Variants in PSD3 observed in about 807,000 individuals in gnomAD.
PSD3 encodes pleckstrin and Sec7 domain containing 3.
A neutral mutation model predicts 105.5 loss-of-function variants in PSD3; 49 were observed. The observed-to-expected ratio is 0.46, with a 90% CI of 0.37 to 0.59. The LOEUF (loss-of-function observed/expected upper bound fraction) is 0.59, where lower values mean the gene tolerates loss of function less well. Ranked by LOEUF, PSD3 falls within the 20% of genes least tolerant of loss-of-function variation. The pLI, the probability that PSD3 is intolerant of heterozygous loss-of-function variation, is 0.00. For synonymous variants in PSD3, 557 were observed against 457.8 expected, an observed-to-expected ratio of 1.22 and a Z score of -2.77; for missense variants, 1,561 against 1,263.8, an observed-to-expected ratio of 1.24 and a Z score of -3.57.
intron 1 of PSD3, among the ~76,000 whole-genome samples, chr8:18,985,581 A>G (rs911127197): frequency 5.3e-5 from 8 of 152,172 alleles, no homozygotes; most frequent in African/African-American, 1.9e-4. Context: ...TTTATCATGA[A>G]ACATTAGTTT....
chr8:18,862,654 A>T (rs1193562111), intron 4 of PSD3, among the ~76,000 whole-genome samples: 1 of 151,830 alleles, frequency 6.6e-6, no homozygotes, highest in African/African-American at 2.4e-5. Flanking sequence ...CACTAATGTC[A>T]CATTATTTTA....
intron 9 of PSD3, among the ~76,000 whole-genome samples, chr8:18,685,033 G>A (rs185348723): frequency 1.3e-5 from 2 of 152,322 alleles, no homozygotes; most frequent in Admixed American, 1.3e-4. Flanking sequence ...GTGTTCTCCA[G>A]ATAAAGGAGG....
chr8:18,617,356 C>T lies in PSD3; in HGVS notation c.2410+15257G>A, dbSNP rs1039162004. Among the ~76,000 whole-genome samples the T allele has an allele frequency of 2.6e-5, 4 of 152,098 alleles. No homozygotes were observed. The South Asian group carries it at 8.3e-4, about 32-fold the overall frequency. On this transcript the variant is annotated intron_variant, in intron 11 of 15. Coordinates refer to ENST00000327040, the MANE Select transcript of PSD3 (RefSeq NM_015310.4). ...GACCAACCTGACCAACATGGTGAAA[C>T]CCCATCTCTACTAAAAATTCCAAAA...
chr8:18,888,069 C>G (rs1818551997), intron 2 of PSD3, among the ~76,000 whole-genome samples: 1 of 152,150 alleles, frequency 6.6e-6, no homozygotes. Flanking sequence ...CCCTCCCTAC[C>G]CCTAAGCTAA....
intron 1 of PSD3, among the ~76,000 whole-genome samples, chr8:19,063,687 C>G (rs1284890359): frequency 1.3e-5 from 2 of 152,164 alleles, no homozygotes; most frequent in African/African-American, 4.8e-5. Context: ...TGTCCTTCTT[C>G]CCTAGAAGTG....
intron 10 of PSD3, among the ~76,000 whole-genome samples, chr8:18,650,307 T>A (rs1298431534): frequency 1.3e-5 from 2 of 151,610 alleles, no homozygotes; most frequent in Non-Finnish European, 2.9e-5. Context: ...AAAGAGTAAT[T>A]ACTCACTTTG....
At chr8:18,571,208 A>T (rs1400439858) in intron 14 of PSD3, among the ~76,000 whole-genome samples, 1 of 152,070 alleles carries the variant, frequency 6.6e-6, no homozygotes, top group Non-Finnish European at 1.5e-5. Flanking sequence ...AGCATCCAAA[A>T]TCCTACACAC....
At chr8:18,576,163 C>G (rs1190350447) in intron 12 of PSD3, among the ~76,000 whole-genome samples, 1 of 152,034 alleles carries the variant, frequency 6.6e-6, no homozygotes, top group Admixed American at 6.6e-5. Context: ...TTTCATTTAT[C>G]CCCTCCAAAA....
chr8:18,600,619 C>T lies in PSD3; in HGVS notation c.2411-185G>A, dbSNP rs1463558198. Among the ~76,000 whole-genome samples, 6 of 152,120 alleles carry T rather than the reference C, an allele frequency of 3.9e-5. No homozygotes were observed. The East Asian group carries it at 7.7e-4, about 20-fold the overall frequency. Reference sequence around the variant, plus strand: ...GGCATTCTAAAATGTTTTCCATATACGATCTTAATATTTACAATGCTCCTA... The same window carrying T: ...GGCATTCTAAAATGTTTTCCATATATGATCTTAATATTTACAATGCTCCTA... On this transcript the variant is annotated intron_variant, in intron 11 of 15. Coordinates refer to ENST00000327040, the MANE Select transcript of PSD3 (RefSeq NM_015310.4).
chr8:18,704,624 GC>G (rs1801783892), intron 9 of PSD3, among the ~76,000 whole-genome samples: 1 of 152,184 alleles, frequency 6.6e-6, no homozygotes, highest in South Asian at 2.1e-4. Flanking sequence ...ACAGGCGTGA[GC>G]CACCATGTCT....
intron 1 of PSD3, among the ~76,000 whole-genome samples, chr8:19,044,246 A>G (rs1304996936): frequency 1.3e-5 from 2 of 152,170 alleles, no homozygotes; most frequent in Non-Finnish European, 2.9e-5. Context: ...TCATTGCCTT[A>G]CTATTGAATT....
At chr8:18,911,569 G>A (rs1820223932) in intron 2 of PSD3, among the ~76,000 whole-genome samples, 1 of 152,144 alleles carries the variant, frequency 6.6e-6, no homozygotes, top group Non-Finnish European at 1.5e-5. Context: ...ATCTGTCTGA[G>A]GTTCCAAGAA....
chr8:18,709,435 G>A (rs148713782), intron 9 of PSD3, among the ~76,000 whole-genome samples: 117 of 152,334 alleles, frequency 7.7e-4, no homozygotes, highest in African/African-American at 2.7e-3. Context: ...GAGGAGTCTG[G>A]TCAGCTCAGA....
At chr8:18,695,157 G>C (rs1290681317) in intron 9 of PSD3, among the ~76,000 whole-genome samples, 1 of 152,156 alleles carries the variant, frequency 6.6e-6, no homozygotes. Context: ...TCCTTGCAAA[G>C]AACAGCAACG....
intron 9 of PSD3, among the ~76,000 whole-genome samples, chr8:18,761,447 T>A (rs1005179273): frequency 6.6e-6 from 1 of 152,178 alleles, no homozygotes; most frequent in African/African-American, 2.4e-5. Context: ...AGACAATACT[T>A]ACTATATGTG....
At chr8:18,963,033 A>T (rs559246539) in intron 1 of PSD3, among the ~76,000 whole-genome samples, 2 of 152,202 alleles carry the variant, frequency 1.3e-5, no homozygotes, top group East Asian at 3.9e-4. Context: ...AAAGTTCCAC[A>T]TGGCTGGGGA....
chr8:18,725,405 A>T (rs540911893), intron 9 of PSD3, among the ~76,000 whole-genome samples: 173 of 152,328 alleles, frequency 1.1e-3, no homozygotes, highest in African/African-American at 3.9e-3. Flanking sequence ...CAGAAGAAAG[A>T]TGAAAAACAA....
intron 1 of PSD3, among the ~76,000 whole-genome samples, chr8:19,079,891 CT>C (rs11462511): frequency 0.012 from 1,613 of 136,456 alleles, 20 homozygotes; most frequent in African/African-American, 0.038. Context: ...AAGAAAATAG[CT>C]TTTTTTTTTT....
intron 15 of PSD3, among the ~76,000 whole-genome samples, chr8:18,551,472 G>A (rs1319661042): frequency 6.6e-6 from 1 of 152,066 alleles, no homozygotes; most frequent in Non-Finnish European, 1.5e-5. Context: ...ATGTCACCAA[G>A]AATTAGAAAT....
Sources: gnomAD v4.1 joint callset for allele counts (sites outside exome capture counted in the v4.1 genomes callset) on GRCh38, gnomAD v4.1.1 for gene constraint, MANE v1.5 for transcripts, NCBI Gene and HGNC (gene_info 2026-07-23, HGNC 2026-07-21) for gene names.